Variants in UCHL5 observed in about 807,000 individuals in gnomAD.
The protein encoded by UCHL5 is ubiquitin carboxyl-terminal hydrolase isozyme L5.
In UCHL5, 34 loss-of-function variants were observed where a neutral mutation model predicts 53.8. The observed-to-expected ratio is 0.63, with a 90% CI of 0.48 to 0.84. UCHL5 has a LOEUF of 0.84. Among genes scored for constraint, UCHL5 ranks in the 40% least tolerant of loss-of-function variants. UCHL5 has a pLI of 0.00. For missense variants in UCHL5, 290 were observed against 385.6 expected (o/e 0.75, Z 2.08); for synonymous variants, 111 against 126.3 (o/e 0.88, Z 0.81).
chr1:193,054,909 C>T (rs1251908785), intron 1 of UCHL5, among the ~76,000 whole-genome samples: 1 of 152,180 alleles, frequency 6.6e-6, no homozygotes, highest in Non-Finnish European at 1.5e-5. Context: ...ACTTACACAT[C>T]TTGCTGTCCC....
At chr1:193,055,570 C>T (rs1290287656) in intron 1 of UCHL5, among the ~76,000 whole-genome samples, 2 of 152,238 alleles carry the variant, frequency 1.3e-5, no homozygotes, top group Non-Finnish European at 2.9e-5. Context: ...TGCTGGCAAG[C>T]AGGATAAAAT....
In UCHL5 at chr1:193,051,851, G is replaced by T. The variant is rs183122079; in HGVS notation, c.77-34C>A. On this transcript the variant is annotated intron_variant, in intron 1 of 10. Transcript: ENST00000367454. ...ATAAATTATTTTCTTCAGTAAACAG[G>T]ATAATTCATTTTTTCCTTCAACATG... The T allele has an allele frequency of 1.9e-3, 2,826 of 1,478,206 alleles. 102 individuals are homozygous for T. The Admixed American group carries it at 0.054, about 28-fold the overall frequency. 91.6% of individuals were successfully genotyped at this position (1,478,206 alleles called of 1,614,324 possible).
chr1:193,038,794 A>G (rs1474195530), intron 3 of UCHL5, among the ~76,000 whole-genome samples: 4 of 151,998 alleles, frequency 2.6e-5, no homozygotes, highest in Non-Finnish European at 5.9e-5. Context: ...CCAGGAGTTT[A>G]AGACCAGCTG....
At chr1:193,051,079 C>G (rs1668887380) in intron 2 of UCHL5, among the ~76,000 whole-genome samples, 1 of 152,294 alleles carries the variant, frequency 6.6e-6, no homozygotes, top group Non-Finnish European at 1.5e-5. Flanking sequence ...CTATTAACAA[C>G]AGTTAGCATA....
At chr1:193,017,052 T>C (rs1377108522) in intron 10 of UCHL5, among the ~76,000 whole-genome samples, 1 of 151,706 alleles carries the variant, frequency 6.6e-6, no homozygotes, top group Non-Finnish European at 1.5e-5. Context: ...TCAATACAGA[T>C]CAAAGACATA....
chr1:193,047,392 A>T (rs1667679997), intron 3 of UCHL5, among the ~76,000 whole-genome samples: 1 of 152,128 alleles, frequency 6.6e-6, no homozygotes, highest in Non-Finnish European at 1.5e-5. Flanking sequence ...AAAAAAAACA[A>T]ATGATACATT....
chr1:193,014,433 T>A lies in UCHL5; in HGVS notation c.*1918A>T, dbSNP rs1024893435. On this transcript the variant is annotated 3_prime_UTR_variant, in exon 11 of 11. Coordinates refer to ENST00000367454, the MANE Select transcript of UCHL5 (RefSeq NM_001199261.3). ...TTTCAAATGTCATTTGATATTACTTTTGTTAACACTTTCAATGACAATTCT... is the reference window on the plus strand; with the variant it reads ...TTTCAAATGTCATTTGATATTACTTATGTTAACACTTTCAATGACAATTCT... 6.6e-6 allele frequency: 1 copy of A among 152,164 alleles called. No individual in the cohort carries two copies. The highest frequency in any genetic ancestry group is 1.5e-5 in the Non-Finnish European group (1 of 68,006). The allele number at this position is 152,164 out of a possible 1,614,324, so 9.4% of individuals were successfully genotyped here.
chr1:193,054,276 T>C (rs898330979), intron 1 of UCHL5, among the ~76,000 whole-genome samples: 30 of 152,214 alleles, frequency 2.0e-4, no homozygotes, highest in African/African-American at 7.0e-4. Context: ...TCCCAAACTG[T>C]TGTCAGTGTG....
At position 193,059,173 on chromosome 1, in the gene UCHL5, C is replaced by G; in HGVS notation, c.76+12G>C. ...GTGACCCCAGGCCCAGGACGGTCCC[C>G]TTGGTTCTCACCGAATCCTTTAATG... is the stretch of plus-strand genomic sequence containing the variant. On this transcript the variant is annotated intron_variant, in intron 1 of 10. Transcript: ENST00000367454. The surrounding 1 kb of genome is among the most constrained non-coding windows in gnomAD (Gnocchi z 4.9). 6.2e-7 allele frequency: 1 copy of G among 1,601,014 alleles called. No homozygotes were observed. Among genetic ancestry groups the G allele is most frequent in the Non-Finnish European group, 8.5e-7 (1 of 1,173,346 alleles).
At position 193,059,104 on chromosome 1, in the gene UCHL5, G is replaced by A. The variant is rs985273187; in HGVS notation, c.76+81C>T. 7.1e-6 allele frequency: 10 copies of A among 1,399,092 alleles called. No individual in the cohort carries two copies. The highest frequency in any genetic ancestry group is 5.2e-4 in the Middle Eastern group (2 of 3,850). The allele number at this position is 1,399,092 out of a possible 1,614,324, so 86.7% of individuals were successfully genotyped here. On this transcript the variant is annotated intron_variant, in intron 1 of 10. Coordinates refer to ENST00000367454, the MANE Select transcript of UCHL5 (RefSeq NM_001199261.3). The surrounding 1 kb of genome is among the most constrained non-coding windows in gnomAD (Gnocchi z 4.9). Reference sequence around the variant, plus strand: ...TCACCTCTCCAGACGCGGGGCGGCGGTGGCCGCAGGGAACCACTCCATGCC... The same window carrying A: ...TCACCTCTCCAGACGCGGGGCGGCGATGGCCGCAGGGAACCACTCCATGCC...
At chr1:193,036,818 A>C (rs1430002568) in intron 3 of UCHL5, among the ~76,000 whole-genome samples, 1 of 152,116 alleles carries the variant, frequency 6.6e-6, no homozygotes, top group Non-Finnish European at 1.5e-5. Context: ...TCTTCAGACC[A>C]CAATGGAATA....
intron 7 of UCHL5, 51 bp downstream of exon 7, chr1:193,028,034 A>C: frequency 6.3e-7 from 1 of 1,583,118 alleles, no homozygotes; most frequent in Non-Finnish European, 8.5e-7. Flanking sequence ...CAAGTTTAAA[A>C]AATACTTAAA....
chr1:193,018,399 C>A (rs1036535406), intron 10 of UCHL5: 2 of 555,794 alleles, frequency 3.6e-6, no homozygotes, highest in African/African-American at 4.1e-5. Flanking sequence ...AGAAGTCTCA[C>A]AAATGTAATC....
chr1:193,026,126 C>G (rs1659136956), intron 7 of UCHL5, among the ~76,000 whole-genome samples: 1 of 147,426 alleles, frequency 6.8e-6, no homozygotes, highest in Non-Finnish European at 1.5e-5. Flanking sequence ...ATCTAAATGT[C>G]ATACCATATA....
intron 6 of UCHL5, 139 bp downstream of exon 6, chr1:193,029,040 A>C: frequency 3.2e-6 from 3 of 934,856 alleles, no homozygotes; most frequent in Non-Finnish European, 4.7e-6. Context: ...AACACACTGA[A>C]GAGCTTAAGG....
intron 3 of UCHL5, among the ~76,000 whole-genome samples, chr1:193,048,247 C>T (rs1667947431): frequency 2.0e-5 from 3 of 152,262 alleles, no homozygotes; most frequent in East Asian, 3.9e-4. Context: ...GCTTTGTGAA[C>T]AAACACCTAA....
At chr1:193,030,390 G>T (rs959708284) in intron 3 of UCHL5, among the ~76,000 whole-genome samples, 1 of 152,158 alleles carries the variant, frequency 6.6e-6, no homozygotes, top group African/African-American at 2.4e-5. Context: ...GCACAAAGAG[G>T]TAAGTGCCCA....
chr1:193,043,176 A>AAAAAAAAAAAAAAAAC (rs67065822), intron 3 of UCHL5, among the ~76,000 whole-genome samples: 2 of 141,546 alleles, frequency 1.4e-5, no homozygotes, highest in African/African-American at 5.3e-5. Flanking sequence ...AAAAAAAAAA[A>AAAAAAAAAAAAAAAAC]CCACCTATTT....
intron 10 of UCHL5, chr1:193,018,452 G>T: frequency 1.3e-6 from 1 of 753,756 alleles, no homozygotes; most frequent in Non-Finnish European, 1.6e-6. Context: ...AAAGAGATTT[G>T]GTACATAATA....
Sources: gnomAD v4.1 joint callset for allele counts (sites outside exome capture counted in the v4.1 genomes callset) on GRCh38, gnomAD v4.1.1 for gene constraint, Gnocchi (gnomAD v3.1) non-coding constraint, MANE v1.5 for transcripts, NCBI Gene and HGNC (gene_info 2026-07-23, HGNC 2026-07-21) for gene names.